The following ZIK1 variants were observed in gnomAD, a reference collection of about 807,000 sequenced individuals.
ZIK1 encodes the protein zinc finger protein interacting with ribonucleoprotein K.
In ZIK1, 12 loss-of-function variants were observed where a neutral mutation model predicts 10.7. The observed-to-expected ratio is 1.12, with a 90% confidence interval of 0.72 to 1.81. ZIK1 has a LOEUF of 1.81. ZIK1 is among the 40% of genes most tolerant of loss of function. The pLI, the probability that ZIK1 is intolerant of heterozygous loss-of-function variation, is 0.00. For missense variants in ZIK1, 497 were observed against 585.7 expected, an observed-to-expected ratio of 0.85 and a Z score of 1.56; for synonymous variants, 190 against 205.0, an observed-to-expected ratio of 0.93 and a Z score of 0.63.
rs1312624729 is a variant in ZIK1, at chr19:57,584,173, T to A, written c.-184T>A. ...GGCGGTCATTTTTGCAGCGCTTGGG[T>A]GCATCCAGACCGTCAGAGCTTTGGG... is the stretch of plus-strand genomic sequence containing the variant. On this transcript the variant is annotated 5_prime_UTR_variant, in exon 1 of 4. Coordinates refer to ENST00000597850, the MANE Select transcript of ZIK1 (RefSeq NM_001010879.4). The A allele has an allele frequency of 1.0e-5, 12 of 1,165,492 alleles. No individual in the cohort carries two copies. The highest frequency in any genetic ancestry group is 1.4e-5 in the Non-Finnish European group (12 of 858,060). The allele number at this position is 1,165,492 out of a possible 1,614,324, so 72.2% of individuals were successfully genotyped here.
intron 3 of ZIK1, chr19:57,589,596 A>G (rs185285485): frequency 1.2e-4 from 115 of 985,414 alleles, no homozygotes; most frequent in African/African-American, 1.0e-3. Flanking sequence ...ATATGTGATC[A>G]TATCACTTGC....
intron 3 of ZIK1, chr19:57,589,537 T>G (rs1396120855): frequency 1.7e-5 from 17 of 985,306 alleles, no homozygotes; most frequent in Non-Finnish European, 7.2e-6. Context: ...TTTCCAACAT[T>G]GACACACACA....
Position 57,593,091 on chromosome 19 carries a change from CT to C in ZIK1, c.*1817del, listed in dbSNP as rs1979838249. ...GATGGAGTCTCAGTCTGTCACCAGG[CT>C]GGAGTGCAGTGGCATGATCTTGGCT... On this transcript the variant is annotated 3_prime_UTR_variant, in exon 4 of 4. Coordinates refer to ENST00000597850, the MANE Select transcript of ZIK1 (RefSeq NM_001010879.4). The C allele has an allele frequency of 6.7e-6, 1 of 150,224 alleles. No individual in the cohort carries two copies. Among genetic ancestry groups the C allele is most frequent in the African/African-American group, 2.5e-5 (1 of 40,496 alleles). 9.3% of individuals were successfully genotyped at this position (150,224 alleles called of 1,614,324 possible). A position where few individuals can be genotyped will look rare whatever the true frequency, so the allele number is the denominator to read the frequency against.
intron 1 of ZIK1, chr19:57,584,672 G>A: frequency 2.2e-6 from 3 of 1,364,686 alleles, no homozygotes; most frequent in Non-Finnish European, 2.8e-6. Flanking sequence ...GTGTACAGAA[G>A]CGGCATATGG....
Position 57,590,791 on chromosome 19 carries a change from A to G in ZIK1, c.980A>G (p.Gln327Arg). ...HTGARPYECS[Q>R]CGKSFSQKAT... The stretch of plus-strand genomic sequence containing the variant: ...GGAGCAAGGCCTTATGAGTGTAGCC[A>G]GTGTGGGAAATCCTTTAGCCAAAAA... Residue 327 changes from glutamine to arginine, a missense_variant, in exon 4 of 4, where the codon CAG becomes CGG. By Grantham distance (43) the Gln-to-Arg change is conservative. Coordinates refer to ENST00000597850, the MANE Select transcript of ZIK1 (RefSeq NM_001010879.4). 1 of 1,614,230 alleles carries G rather than the reference A, an allele frequency of 6.2e-7. No individual in the cohort carries two copies. The highest frequency in any genetic ancestry group is 2.2e-5 in the East Asian group (1 of 44,878).
At chr19:57,584,466 C>T in intron 1 of ZIK1, 77 bp downstream of exon 1, 2 of 1,546,766 alleles carry the variant, frequency 1.3e-6, no homozygotes, top group Non-Finnish European at 1.7e-6. Context: ...TCGAGATCCT[C>T]ATGTCCAGTA....
rs1292496435 is a variant in ZIK1, at chr19:57,591,519, T to C, written c.*244T>C. 3 of 518,218 alleles carry C rather than the reference T, an allele frequency of 5.8e-6. No homozygotes were observed. The highest frequency in any genetic ancestry group is 5.7e-5 in the African/African-American group (3 of 53,054). 32.1% of individuals were successfully genotyped at this position (518,218 alleles called of 1,614,324 possible). On this transcript the variant is annotated 3_prime_UTR_variant, in exon 4 of 4. Transcript: ENST00000597850. Reference sequence around the variant, plus strand: ...ACCTTGCACAGTGGGCACTGGTCACTCCTATGTGCTAAGACAAGGCAGACA... The same window carrying C: ...ACCTTGCACAGTGGGCACTGGTCACCCCTATGTGCTAAGACAAGGCAGACA...
In ZIK1 at chr19:57,591,598, G is replaced by A; in HGVS notation, c.*323G>A. On this transcript the variant is annotated 3_prime_UTR_variant, in exon 4 of 4. Transcript: ENST00000597850. ...AAATCTTGAGCAGTCTAAGCCTTTA[G>A]AGAAAATTCATTCTTTTTTCTGACT... 3.4e-6 allele frequency: 1 copy of A among 294,654 alleles called. No homozygotes were observed. The allele number at this position is 294,654 out of a possible 1,614,324, so 18.3% of individuals were successfully genotyped here. A position where few individuals can be genotyped will look rare whatever the true frequency, so the allele number is the denominator to read the frequency against.
rs551412979 is a variant in ZIK1 at position 57,590,720 on chromosome 19, A to G, written c.909A>G (p.Leu303=). 1.9e-6 allele frequency: 3 copies of G among 1,613,934 alleles called. No individual in the cohort carries two copies. Among genetic ancestry groups the G allele is most frequent in the South Asian group, 2.2e-5 (2 of 91,072 alleles). ...RPYECSECGK[L]FRQNSSLVDH... The stretch of plus-strand genomic sequence containing the variant: ...ATGAGTGCAGCGAATGTGGAAAATT[A>G]TTTAGACAAAACTCCAGCCTTGTTG... Residue 303 remains leucine, a synonymous_variant, in exon 4 of 4, where the codon TTA becomes TTG. Transcript: ENST00000597850.
chr19:57,585,762 G>A (rs1979089914), intron 2 of ZIK1, among the ~76,000 whole-genome samples: 2 of 152,216 alleles, frequency 1.3e-5, no homozygotes, highest in Admixed American at 1.3e-4. Context: ...AGGCTGGAGT[G>A]CAGTGGCTCG....
rs756873181 is a variant in ZIK1 at position 57,584,315 on chromosome 19, C to G, written c.-42C>G. On this transcript the variant is annotated 5_prime_UTR_variant, in exon 1 of 4. Coordinates refer to ENST00000597850, the MANE Select transcript of ZIK1 (RefSeq NM_001010879.4). Reference sequence around the variant, plus strand: ...ACGGCTTTGCCTAGGTCCCTCCGCCCGTAGCTGTCGGGTCCCGGCCCCGCT... The same window carrying G: ...ACGGCTTTGCCTAGGTCCCTCCGCCGGTAGCTGTCGGGTCCCGGCCCCGCT... 3.2e-6 allele frequency: 5 copies of G among 1,561,166 alleles called. No homozygotes were observed. The African/African-American group carries it at 6.8e-5, about 21-fold the overall frequency.
intron 2 of ZIK1, 84 bp downstream of exon 2, chr19:57,585,074 C>A: frequency 2.2e-6 from 3 of 1,384,250 alleles, no homozygotes; most frequent in Non-Finnish European, 3.0e-6. Flanking sequence ...CCATCCAGTT[C>A]TTTGACCTAA....
Position 57,588,559 on chromosome 19 carries a change from C to T in ZIK1, c.93C>T (p.Asp31=), listed in dbSNP as rs764236375. The change falls in exon 3 of 4, where the codon GAC becomes GAT. Residue 31 remains aspartate, a synonymous_variant. Coordinates refer to ENST00000597850, the MANE Select transcript of ZIK1 (RefSeq NM_001010879.4). ...DLTKGCVTFE[D]IAIYFSQDEW... The stretch of plus-strand genomic sequence containing the variant: ...GACAGGGCTGTGTGACCTTTGAGGA[C>T]ATCGCCATTTACTTCTCACAGGACG... The T allele has an allele frequency of 9.6e-6, 15 of 1,563,296 alleles. No homozygotes were observed. Among genetic ancestry groups the T allele is most frequent in the Admixed American group, 3.5e-5 (2 of 56,504 alleles).
In ZIK1 at chr19:57,590,878, G is replaced by T; in HGVS notation, c.1067G>T (p.Cys356Phe). Residue 356 changes from cysteine (C) to phenylalanine (F), a missense_variant, in exon 4 of 4, where the codon TGT becomes TTT. Coordinates refer to ENST00000597850, the MANE Select transcript of ZIK1 (RefSeq NM_001010879.4). The stretch of plus-strand genomic sequence containing the variant: ...GAAAGGCCTTATAAGTGTGGTGAAT[G>T]TGGGAATTCCTTTAGTCAAAGTGCC... ...TGERPYKCGE[C>F]GNSFSQSAIL... 1 of 1,612,464 alleles carries T rather than the reference G, an allele frequency of 6.2e-7. No individual in the cohort carries two copies. The highest frequency in any genetic ancestry group is 8.5e-7 in the Non-Finnish European group (1 of 1,178,998).
chr19:57,590,624 A>G lies in ZIK1; in HGVS notation c.813A>G (p.Glu271=). The change falls in exon 4 of 4, where the codon GAA becomes GAG. Residue 271 remains glutamate (E), a synonymous_variant. Coordinates refer to ENST00000597850, the MANE Select transcript of ZIK1 (RefSeq NM_001010879.4). ...HTGERPWECN[E]CGKFFSQTSH... ...GAGAAAGGCCTTGGGAGTGCAATGA[A>G]TGTGGAAAATTCTTTAGCCAAACCT... 1 of 1,614,146 alleles carries G rather than the reference A, an allele frequency of 6.2e-7. No homozygotes were observed. Among genetic ancestry groups the G allele is most frequent in the Non-Finnish European group, 8.5e-7 (1 of 1,180,022 alleles).
In ZIK1 at chr19:57,593,208, A is replaced by ATTTTTTTTTTTTTTTTTT. The variant is rs1227700686; in HGVS notation, c.*1938_*1939insTTTTTTTTTTTTTTTTTT. Reference sequence around the variant, plus strand: ...AGGCATGCACTACCACGCCCAACTAATTTTTGTATTTTTAGTAGAGATGTG... The same window carrying ATTTTTTTTTTTTTTTTTT: ...AGGCATGCACTACCACGCCCAACTAATTTTTTTTTTTTTTTTTTTTTTTGTATTTTTAGTAGAGATGTG... On this transcript the variant is annotated 3_prime_UTR_variant, in exon 4 of 4. Coordinates refer to ENST00000597850, the MANE Select transcript of ZIK1 (RefSeq NM_001010879.4). The ATTTTTTTTTTTTTTTTTT allele has an allele frequency of 3.3e-5, 5 of 150,154 alleles. No homozygotes were observed. The highest frequency in any genetic ancestry group is 6.7e-5 in the Admixed American group (1 of 14,844). The allele number at this position is 150,154 out of a possible 1,614,324, so 9.3% of individuals were successfully genotyped here.
chr19:57,584,146 G>T lies in ZIK1; in HGVS notation c.-211G>T. 1 of 917,706 alleles carries T rather than the reference G, an allele frequency of 1.1e-6. No homozygotes were observed. Among genetic ancestry groups the T allele is most frequent in the Non-Finnish European group, 1.6e-6 (1 of 635,488 alleles). 56.8% of individuals were successfully genotyped at this position (917,706 alleles called of 1,614,324 possible). On this transcript the variant is annotated 5_prime_UTR_variant, in exon 1 of 4. Transcript: ENST00000597850. ...GGGAGGGACTTCCGGTATCACTTCA[G>T]TGGCGGTCATTTTTGCAGCGCTTGG...
Position 57,590,706 on chromosome 19 carries a change from G to A in ZIK1, c.895G>A (p.Glu299Lys), listed in dbSNP as rs758687880. The change falls in exon 4 of 4, where the codon GAA (glutamate) becomes AAA (lysine). Residue 299 changes from glutamate (E) to lysine (K), a missense_variant. By Grantham distance (56) the Glu-to-Lys change is moderately conservative (BLOSUM62 1). Coordinates refer to ENST00000597850, the MANE Select transcript of ZIK1 (RefSeq NM_001010879.4). ...CGGAGAAAGGCCTTATGAGTGCAGC[G>A]AATGTGGAAAATTATTTAGACAAAA... ...HTGERPYECS[E>K]CGKLFRQNSS... is the part of the protein sequence containing the mutation. 3.7e-5 allele frequency: 60 copies of A among 1,613,842 alleles called. No individual in the cohort carries two copies. In the East Asian group the frequency reaches 4.0e-4, roughly 11 times the overall value.
rs1264500337 is a variant in ZIK1 at position 57,590,085 on chromosome 19, G to A, written c.274G>A (p.Ala92Thr). Residue 92 changes from alanine to threonine, a missense_variant, in exon 4 of 4, where the codon GCA (alanine) becomes ACA (threonine). Ala to Thr is a moderately conservative substitution (Grantham distance 58). Coordinates refer to ENST00000597850, the MANE Select transcript of ZIK1 (RefSeq NM_001010879.4). ...TTCTGTAGGAGTGTCACAGTCAAAGGCAGGTTCATCCACACAGAAGACTCA... is the reference window on the plus strand; with the variant it reads ...TTCTGTAGGAGTGTCACAGTCAAAGACAGGTTCATCCACACAGAAGACTCA... ...NVSVGVSQSK[A>T]GSSTQKTQSC... The A allele has an allele frequency of 6.2e-7, 1 of 1,614,176 alleles. No individual in the cohort carries two copies. Among genetic ancestry groups the A allele is most frequent in the Admixed American group, 1.7e-5 (1 of 60,018 alleles).
Sources: allele counts gnomAD v4.1 joint callset (sites outside exome capture counted in the v4.1 genomes callset), GRCh38; gene constraint gnomAD v4.1.1; transcripts MANE v1.5; gene names NCBI Gene and HGNC (gene_info 2026-07-23, HGNC 2026-07-21).